Variants in DHX29 observed in about 807,000 individuals in gnomAD.
DHX29 encodes DExH-box helicase 29.
In DHX29, 79 loss-of-function variants were observed where a neutral mutation model predicts 167.9. The observed-to-expected ratio is 0.47, with a 90% CI of 0.39 to 0.57. The LOEUF (loss-of-function observed/expected upper bound fraction) is 0.57. Ranked by LOEUF, DHX29 falls within the 20% of genes least tolerant of loss-of-function variation. The pLI is 0.00. For missense variants in DHX29, 1,347 were observed against 1,593.4 expected (o/e 0.85, Z 2.63); for synonymous variants, 530 against 546.0 (o/e 0.97, Z 0.41).
intron 1 of DHX29, among the ~76,000 whole-genome samples, chr5:55,299,003 G>C (rs1340903621): frequency 5.1e-5 from 7 of 136,256 alleles, no homozygotes; most frequent in East Asian, 4.3e-4. Context: ...GCAGTCCGCA[G>C]TCCGGCCTGG....
intron 24 of DHX29, among the ~76,000 whole-genome samples, chr5:55,262,022 T>C (rs1308905296): frequency 6.6e-6 from 1 of 152,182 alleles, no homozygotes; most frequent in Non-Finnish European, 1.5e-5. Context: ...ATTCTTTATG[T>C]TCCCTTTTCT....
intron 1 of DHX29, 42 bp downstream of exon 1, chr5:55,307,345 G>T: frequency 6.4e-7 from 1 of 1,552,634 alleles, no homozygotes; most frequent in African/African-American, 1.4e-5. Flanking sequence ...CAAGCAGCAA[G>T]GTCTCAGGGC....
chr5:55,304,507 T>A (rs1390207180), intron 1 of DHX29, among the ~76,000 whole-genome samples: 1 of 151,398 alleles, frequency 6.6e-6, no homozygotes, highest in African/African-American at 2.4e-5. Flanking sequence ...AGAGACGGGG[T>A]TTCACCGTGG....
At chr5:55,267,960 TTAG>T (rs1746665256) in intron 21 of DHX29, 138 bp from the exon 22 acceptor site, 1 of 419,642 alleles carries the variant, frequency 2.4e-6, no homozygotes, top group Non-Finnish European at 4.0e-6. Context: ...ATTATGTTTA[TTAG>T]TATTATTATA....
intron 25 of DHX29, 147 bp downstream of exon 25, chr5:55,261,221 C>A: frequency 2.2e-6 from 1 of 447,552 alleles, no homozygotes. Context: ...AGATTTAAAA[C>A]CACAGAGGCA....
intron 16 of DHX29, 70 bp downstream of exon 16, chr5:55,274,544 A>G (rs1747010537): frequency 4.3e-6 from 5 of 1,155,944 alleles, no homozygotes. Flanking sequence ...AACTCTGATC[A>G]AGGGTTTTAA....
Position 55,298,604 on chromosome 5 carries a change from T to A in DHX29, c.248A>T (p.Lys83Ile), listed in dbSNP as rs1425580290. The A allele has an allele frequency of 1.3e-6, 2 of 1,548,122 alleles. No individual in the cohort carries two copies. The highest frequency in any genetic ancestry group is 1.8e-6 in the Non-Finnish European group (2 of 1,122,474). Residue 83 changes from lysine to isoleucine, a missense_variant, in exon 2 of 27, where the codon AAA becomes ATA. By Grantham distance (102) the Lys-to-Ile change is moderately radical. Transcript: ENST00000251636. ...TTTGTTACTTACTTTCAAAATAGATTTATCCAGATTTGCAGGACCACTAGA... is the reference window on the plus strand; with the variant it reads ...TTTGTTACTTACTTTCAAAATAGATATATCCAGATTTGCAGGACCACTAGA... Reference protein sequence around the residue: ...NDSSGPANLDKSILKVVINNK... With the variant: ...NDSSGPANLDISILKVVINNK...
intron 13 of DHX29, 85 bp downstream of exon 13, chr5:55,277,021 T>A: frequency 1.0e-6 from 1 of 961,710 alleles, no homozygotes; most frequent in East Asian, 2.5e-5. Flanking sequence ...AGTTCTGGCC[T>A]CTGACTACAA....
intron 21 of DHX29, 118 bp downstream of exon 21, chr5:55,269,295 G>T: frequency 1.4e-4 from 105 of 761,054 alleles, no homozygotes; most frequent in Non-Finnish European, 1.9e-4. Flanking sequence ...CGGTTTTAAT[G>T]TTCGTATAGA....
At chr5:55,261,794 T>C (rs966324814) in intron 24 of DHX29, among the ~76,000 whole-genome samples, 8 of 152,206 alleles carry the variant, frequency 5.3e-5, no homozygotes, top group Admixed American at 2.6e-4. Context: ...ATGCTAATGA[T>C]ATTAAATAAT....
At chr5:55,281,310 G>A (rs1747400005) in intron 12 of DHX29, 62 bp downstream of exon 12, 3 of 1,372,842 alleles carry the variant, frequency 2.2e-6, no homozygotes, top group East Asian at 2.8e-5. Context: ...AGTATTAGGA[G>A]TAACATCTTT....
At chr5:55,298,226 T>C (rs1748417608) in intron 2 of DHX29, among the ~76,000 whole-genome samples, 1 of 152,004 alleles carries the variant, frequency 6.6e-6, no homozygotes, top group Non-Finnish European at 1.5e-5. Context: ...GGGTAAAAGC[T>C]AGAAGTTGTA....
At chr5:55,284,876 T>TA (rs1022369288) in intron 10 of DHX29, among the ~76,000 whole-genome samples, 11 of 151,994 alleles carry the variant, frequency 7.2e-5, no homozygotes, top group Non-Finnish European at 1.3e-4. Context: ...ACAACTTTTT[T>TA]AAAAAAAATT....
intron 23 of DHX29, among the ~76,000 whole-genome samples, chr5:55,264,787 T>C (rs567269062): frequency 6.6e-6 from 1 of 152,318 alleles, no homozygotes; most frequent in East Asian, 1.9e-4. Flanking sequence ...AATCAACTCA[T>C]TATGAAAACT....
chr5:55,285,190 T>A, intron 10 of DHX29, 103 bp downstream of exon 10: 2 of 1,486,194 alleles, frequency 1.3e-6, no homozygotes, highest in Admixed American at 2.2e-5. Context: ...TTAGGAATAA[T>A]GAGAAAGGAT....
In DHX29 at chr5:55,274,947, T is replaced by C; in HGVS notation, c.2491A>G (p.Ser831Gly). 1 of 1,614,004 alleles carries C rather than the reference T, an allele frequency of 6.2e-7. No homozygotes were observed. Among genetic ancestry groups the C allele is most frequent in the African/African-American group, 1.3e-5 (1 of 75,058 alleles). Residue 831 changes from serine (S) to glycine (G), a missense_variant, in exon 15 of 27, where the codon AGC (serine) becomes GGC (glycine). By Grantham distance (56) the Ser-to-Gly change is moderately conservative. Around this residue, in one of 3 missense-constraint regions of DHX29, gnomAD observed 882 missense variants for 1,082.4 expected, o/e 0.81. Transcript: ENST00000251636. Reference sequence around the variant, plus strand: ...TATAGAATAGCATGCTGAGTGCGGCTGCTGTACTTTTGGTAAAATGGATTT... The same window carrying C: ...TATAGAATAGCATGCTGAGTGCGGCCGCTGTACTTTTGGTAAAATGGATTT... Reference protein sequence around the residue: ...DLNPFYQKYSSRTQHAILYMN... With the variant: ...DLNPFYQKYSGRTQHAILYMN...
chr5:55,302,329 G>A (rs1748645660), intron 1 of DHX29, among the ~76,000 whole-genome samples: 1 of 152,166 alleles, frequency 6.6e-6, no homozygotes, highest in Admixed American at 6.5e-5. Flanking sequence ...GTTACAGATA[G>A]ATGAGCAGTA....
intron 14 of DHX29, among the ~76,000 whole-genome samples, chr5:55,275,967 C>A (rs1301276263): frequency 6.6e-6 from 1 of 152,170 alleles, no homozygotes; most frequent in Non-Finnish European, 1.5e-5. Flanking sequence ...TCCTCAATAA[C>A]TGATCACTGT....
chr5:55,286,037 G>A (rs954672266), intron 8 of DHX29, among the ~76,000 whole-genome samples, 176 bp from the exon 9 acceptor site: 7 of 152,062 alleles, frequency 4.6e-5, no homozygotes, highest in Admixed American at 2.6e-4. Context: ...GGTAGATCAC[G>A]AAGTCAGGAG....
Sources: gnomAD v4.1 joint callset for allele counts (sites outside exome capture counted in the v4.1 genomes callset) on GRCh38, gnomAD v4.1.1 for gene constraint, gnomAD v4.1.1 regional missense constraint, MANE v1.5 for transcripts, NCBI Gene and HGNC (gene_info 2026-07-23, HGNC 2026-07-21) for gene names.